The following AGBL4 variants were observed in gnomAD, a reference collection of about 807,000 sequenced individuals.
The protein encoded by AGBL4 is cytosolic carboxypeptidase 6.
Under a neutral mutation model 66.4 loss-of-function variants are expected in AGBL4, and 58 were observed. The ratio of observed to expected loss-of-function variants is 0.87; its 90% CI spans 0.71 to 1.09. The LOEUF is 1.09. Among genes scored for constraint, AGBL4 ranks in the 50% least tolerant of loss-of-function variants. AGBL4 has a pLI of 0.00. For missense variants in AGBL4, 579 were observed against 631.0 expected (o/e 0.92, Z 0.88); for synonymous variants, 234 against 222.9 (o/e 1.05, Z -0.44).
chr1:49,847,212 G>T (rs1247355337), intron 2 of AGBL4, among the ~76,000 whole-genome samples: 1 of 152,164 alleles, frequency 6.6e-6, no homozygotes, highest in East Asian at 1.9e-4. Context: ...GCCACCTGCA[G>T]AAGAATGAAA....
intron 2 of AGBL4, chr1:49,845,589 T>C: frequency 6.2e-7 from 1 of 1,605,528 alleles, no homozygotes; most frequent in Non-Finnish European, 8.5e-7. Context: ...ACGAGTGCCA[T>C]GAGTGTGGAA....
intron 3 of AGBL4, among the ~76,000 whole-genome samples, chr1:49,487,593 C>G (rs1312636538): frequency 6.6e-6 from 1 of 151,898 alleles, no homozygotes; most frequent in South Asian, 2.1e-4. Flanking sequence ...AAGGTACCTG[C>G]CTCTCCTTTG....
chr1:49,149,352 G>A (rs1010266322), intron 4 of AGBL4, among the ~76,000 whole-genome samples: 2 of 152,164 alleles, frequency 1.3e-5, no homozygotes, highest in African/African-American at 4.8e-5. Context: ...TTAATGAGGT[G>A]TGCCATTTGA....
At chr1:48,650,993 GTGGC>G (rs1240751470) in intron 8 of AGBL4, among the ~76,000 whole-genome samples, 1 of 152,214 alleles carries the variant, frequency 6.6e-6, no homozygotes, top group Non-Finnish European at 1.5e-5. Context: ...AGAGAGTAGT[GTGGC>G]TGGCCTAGGG....
chr1:50,020,050 TA>T (rs1201128183), intron 1 of AGBL4, among the ~76,000 whole-genome samples: 3 of 151,960 alleles, frequency 2.0e-5, no homozygotes, highest in Non-Finnish European at 2.9e-5. Context: ...ACTTTACATA[TA>T]AAAGCATGCT....
chr1:49,611,975 T>A (rs1645163560), intron 3 of AGBL4, among the ~76,000 whole-genome samples: 1 of 152,202 alleles, frequency 6.6e-6, no homozygotes, highest in African/African-American at 2.4e-5. Flanking sequence ...TCCTTACTAC[T>A]GCATGGAGAA....
chr1:49,532,725 G>A (rs983596302), intron 3 of AGBL4, among the ~76,000 whole-genome samples: 2 of 152,062 alleles, frequency 1.3e-5, no homozygotes, highest in Admixed American at 6.5e-5. Flanking sequence ...TGTCCTGGAA[G>A]CTTTAAGTAG....
In AGBL4 at chr1:49,923,739, A is replaced by G. The variant is rs544778988; in HGVS notation, c.35-72221T>C. ...AGCTAAACATCCCTGTTCACTGGAA[A>G]AATGCAAATCAAAACCACAATGAGA... On this transcript the variant is annotated intron_variant, in intron 1 of 13. Transcript: ENST00000371839. 7.2e-5 allele frequency among the ~76,000 whole-genome samples: 11 copies of G among 152,352 alleles called. No individual in the cohort carries two copies. In the South Asian group the frequency reaches 2.3e-3, roughly 32 times the overall value.
At chr1:49,464,618 T>C (rs1217935474) in intron 3 of AGBL4, among the ~76,000 whole-genome samples, 1 of 151,700 alleles carries the variant, frequency 6.6e-6, no homozygotes, top group Non-Finnish European at 1.5e-5. Context: ...CAGACATTGT[T>C]GAGAACTTAC....
chr1:48,892,818 C>A (rs1304325568), intron 5 of AGBL4, among the ~76,000 whole-genome samples: 1 of 152,292 alleles, frequency 6.6e-6, no homozygotes, highest in South Asian at 2.1e-4. Context: ...TTTCCTCTAA[C>A]CATTCCCCCC....
chr1:50,019,872 G>C (rs547587756), intron 1 of AGBL4, among the ~76,000 whole-genome samples: 2 of 152,058 alleles, frequency 1.3e-5, no homozygotes, highest in South Asian at 4.1e-4. Context: ...TTTTTTATTA[G>C]TATTGATAAT....
rs947651534 is a variant in AGBL4, at chr1:49,920,852, A to G, written c.35-69334T>C. The stretch of plus-strand genomic sequence containing the variant: ...ACTTGGAACGAATCCACTGTCCATC[A>G]ATGAAAGACTGGATTAAGAAAATGT... On this transcript the variant is annotated intron_variant, in intron 1 of 13. Coordinates refer to ENST00000371839, the MANE Select transcript of AGBL4 (RefSeq NM_032785.4). Among the ~76,000 whole-genome samples the G allele has an allele frequency of 1.2e-4, 19 of 152,354 alleles. 1 individual carries two copies. The highest frequency in any genetic ancestry group is 4.1e-4 in the African/African-American group (17 of 41,594).
At chr1:48,529,822 G>T (rs1198793607), downstream of AGBL4, among the ~76,000 whole-genome samples, 2 of 152,096 alleles carry the variant, frequency 1.3e-5, no homozygotes, top group Non-Finnish European at 2.9e-5. Flanking sequence ...GATTCCAGGG[G>T]CCCTCTGCAT....
At chr1:49,778,673 C>T (rs562316952) in intron 2 of AGBL4, among the ~76,000 whole-genome samples, 1 of 152,228 alleles carries the variant, frequency 6.6e-6, no homozygotes, top group South Asian at 2.1e-4. Flanking sequence ...CAATGCCTTG[C>T]CTCTGCAATG....
At chr1:49,441,729 C>T (rs1456314584) in intron 3 of AGBL4, among the ~76,000 whole-genome samples, 1 of 152,170 alleles carries the variant, frequency 6.6e-6, no homozygotes, top group Non-Finnish European at 1.5e-5. Flanking sequence ...ATAATTGAAT[C>T]CTGAGGTGGC....
intron 5 of AGBL4, among the ~76,000 whole-genome samples, chr1:49,043,450 A>G (rs1643997338): frequency 6.6e-6 from 1 of 152,180 alleles, no homozygotes; most frequent in South Asian, 2.1e-4. Context: ...GACCCACTAA[A>G]TGACTCTCTA....
At chr1:49,084,868 T>C (rs572465548) in intron 4 of AGBL4, among the ~76,000 whole-genome samples, 65 of 152,292 alleles carry the variant, frequency 4.3e-4, no homozygotes, top group African/African-American at 1.5e-3. Flanking sequence ...TTATCAGCAA[T>C]TAAGTGATGG....
chr1:48,639,017 C>A (rs1645713839), intron 8 of AGBL4, among the ~76,000 whole-genome samples: 1 of 152,178 alleles, frequency 6.6e-6, no homozygotes, highest in Admixed American at 6.5e-5. Context: ...ACTTCATAGT[C>A]TCCCCAGTTG....
intron 1 of AGBL4, among the ~76,000 whole-genome samples, chr1:49,915,670 C>G (rs1651378027): frequency 6.6e-6 from 1 of 152,166 alleles, no homozygotes; most frequent in Non-Finnish European, 1.5e-5. Flanking sequence ...AAGGGCATAG[C>G]CGAACAAAAG....
Sources: allele counts gnomAD v4.1 joint callset (sites outside exome capture counted in the v4.1 genomes callset), GRCh38; gene constraint gnomAD v4.1.1; transcripts MANE v1.5; gene names NCBI Gene and HGNC (gene_info 2026-07-23, HGNC 2026-07-21).